The following PRDM1 variants were observed in gnomAD, a reference collection of about 807,000 sequenced individuals.
PRDM1 encodes PR domain zinc finger protein 1.
In PRDM1, 13 loss-of-function variants were observed where a neutral mutation model predicts 62.8. The ratio of observed to expected loss-of-function variants is 0.21; its 90% CI spans 0.13 to 0.33. PRDM1 has a LOEUF of 0.33. Ranked by LOEUF, PRDM1 falls within the 10% of genes least tolerant of loss-of-function variation. PRDM1 has a pLI of 1.00. For synonymous variants in PRDM1, 396 were observed against 417.6 expected (o/e 0.95, Z 0.63); for missense variants, 895 against 1,058.8 (o/e 0.85, Z 2.15).
At chr6:106,002,224 TG>T (rs1772434979) in intron 1 of PRDM1, among the ~76,000 whole-genome samples, 1 of 152,186 alleles carries the variant, frequency 6.6e-6, no homozygotes, top group African/African-American at 2.4e-5. Flanking sequence ...GGTAGAACAA[TG>T]GGTGTTACTT....
In PRDM1 at chr6:106,105,012, A is replaced by C. The variant is rs1455229257; in HGVS notation, c.852A>C (p.Arg284Ser). 1 of 1,614,168 alleles carries C rather than the reference A, an allele frequency of 6.2e-7. No individual in the cohort carries two copies. The highest frequency in any genetic ancestry group is 2.2e-5 in the East Asian group (1 of 44,874). The change falls in exon 5 of 7, where the codon AGA becomes AGC. Residue 284 changes from arginine (R) to serine (S), a missense_variant. By Grantham distance (110) the Arg-to-Ser change is moderately radical. Coordinates refer to ENST00000369096, the MANE Select transcript of PRDM1 (RefSeq NM_001198.4). ...CAGAAAAGGACCTCGATGACTTTAG[A>C]AGACGTGGGAGCCCCGAAATGCCCT... The part of the protein sequence containing the change: ...LTSEKDLDDF[R>S]RRGSPEMPFY...
Position 106,028,938 on chromosome 6 carries a change from T to C in PRDM1, c.-67+35299T>C, listed in dbSNP as rs1463783575. Among the ~76,000 whole-genome samples the C allele has an allele frequency of 1.6e-3, 246 of 149,770 alleles. 1 individual carries two copies. Among genetic ancestry groups the C allele is most frequent in the African/African-American group, 5.9e-3 (239 of 40,748 alleles). On this transcript the variant is annotated intron_variant, in intron 1 of 6. Transcript: ENST00000652320. ...TCCTTCTTTTTTTTTTTTTTTTTTT[T>C]TGAGACCGAGTCTTGCTCTGCTGCC...
At chr6:106,015,847 AG>A (rs1377260333) in intron 1 of PRDM1, among the ~76,000 whole-genome samples, 1 of 152,050 alleles carries the variant, frequency 6.6e-6, no homozygotes, top group Non-Finnish European at 1.5e-5. Context: ...ACATGACAAA[AG>A]TTACCATTTT....
chr6:106,068,278 G>A (rs867326139), intron 1 of PRDM1, among the ~76,000 whole-genome samples: 1 of 152,200 alleles, frequency 6.6e-6, no homozygotes. Context: ...TTTTAGTAGA[G>A]ACAGGGTTTC....
intron 1 of PRDM1, among the ~76,000 whole-genome samples, chr6:106,011,359 T>C (rs1455516940): frequency 1.3e-5 from 2 of 152,156 alleles, no homozygotes; most frequent in Non-Finnish European, 2.9e-5. Context: ...TGTAAACTTA[T>C]TATAAAAAGG....
intron 3 of PRDM1, 48 bp from the exon 4 acceptor site, chr6:106,099,252 G>A (rs2114637777): frequency 1.9e-6 from 3 of 1,611,892 alleles, no homozygotes; most frequent in Non-Finnish European, 1.7e-6. Flanking sequence ...GTGCTGGGGA[G>A]CTTTGGGTCT....
intron 1 of PRDM1, chr6:106,072,318 A>AAT (rs578132493): frequency 6.6e-6 from 1 of 152,232 alleles, no homozygotes; most frequent in Non-Finnish European, 1.5e-5. Context: ...TTTGGGGTGT[A>AAT]ATATGTAGGT....
intron 1 of PRDM1, among the ~76,000 whole-genome samples, chr6:106,070,520 A>G (rs895218579): frequency 1.8e-4 from 28 of 152,230 alleles, no homozygotes; most frequent in African/African-American, 6.5e-4. Context: ...TGTAACTAAT[A>G]TGCTTATATA....
At chr6:106,035,643 A>T (rs4349854) in intron 1 of PRDM1, among the ~76,000 whole-genome samples, 88,682 of 151,388 alleles carry the variant, frequency 0.59, 26,484 homozygotes, top group East Asian at 0.81. Context: ...AAAAAAATTT[A>T]AAAAAAAAGA....
rs777152627 is a variant in PRDM1 at position 106,107,377 on chromosome 6, G to A, written c.2369G>A (p.Ser790Asn). 4.3e-6 allele frequency: 7 copies of A among 1,613,998 alleles called. No individual in the cohort carries two copies. In the African/African-American group the frequency reaches 5.3e-5, roughly 12 times the overall value. ...MGNGLLSSGCSLYESSDLPLM... is the reference protein window; with the variant it reads ...MGNGLLSSGCNLYESSDLPLM... ...AATGGACTCCTCTCCTCAGGGTGCA[G>A]CCTTTATGAGTCATCAGATCTACCC... The change falls in exon 7 of 7, where the codon AGC becomes AAC. Residue 790 changes from serine (S) to asparagine (N), a missense_variant. Physicochemically the swap from Ser to Asn is conservative, Grantham distance 46. This residue lies in a region of PRDM1 where 164 missense variants were observed against 179.9 expected (regional missense o/e 0.91). Coordinates refer to ENST00000369096, the MANE Select transcript of PRDM1 (RefSeq NM_001198.4).
intron 1 of PRDM1, among the ~76,000 whole-genome samples, chr6:106,043,453 G>C (rs1009344140): frequency 1.3e-5 from 2 of 152,060 alleles, no homozygotes; most frequent in African/African-American, 2.4e-5. Context: ...ATGAATAAGA[G>C]CTATCATGTT....
At chr6:106,053,217 C>T (rs1290206097) in intron 1 of PRDM1, among the ~76,000 whole-genome samples, 1 of 152,068 alleles carries the variant, frequency 6.6e-6, no homozygotes, top group Non-Finnish European at 1.5e-5. Context: ...TATGGTGACC[C>T]TCTTCTTCTC....
chr6:106,061,518 C>T (rs778022568), intron 1 of PRDM1, among the ~76,000 whole-genome samples: 104 of 152,204 alleles, frequency 6.8e-4, no homozygotes, highest in Non-Finnish European at 1.2e-3. Flanking sequence ...ATGATAATCA[C>T]GTCCCATAGC....
Position 106,105,087 on chromosome 6 carries a change from T to C in PRDM1, c.927T>C (p.Phe309=). 1 of 1,614,080 alleles carries C rather than the reference T, an allele frequency of 6.2e-7. No individual in the cohort carries two copies. Among genetic ancestry groups the C allele is most frequent in the Non-Finnish European group, 8.5e-7 (1 of 1,180,010 alleles). The change falls in exon 5 of 7, where the codon TTT becomes TTC. Residue 309 remains phenylalanine, a synonymous_variant. Coordinates refer to ENST00000369096, the MANE Select transcript of PRDM1 (RefSeq NM_001198.4). ...YPIRAPLPED[F]LKASLAYGIE... ...TCCGGGCCCCTCTGCCAGAAGACTT[T>C]TTGAAAGCTTCCCTGGCCTACGGGA...
chr6:106,057,364 T>G (rs1315603616), intron 1 of PRDM1, among the ~76,000 whole-genome samples: 1 of 152,198 alleles, frequency 6.6e-6, no homozygotes, highest in Non-Finnish European at 1.5e-5. Context: ...TATATAGAAA[T>G]GTGAAAAGAA....
At position 106,105,310 on chromosome 6, in the gene PRDM1, G is replaced by A. The variant is rs1361893897; in HGVS notation, c.1150G>A (p.Glu384Lys). 2 of 1,613,262 alleles carry A rather than the reference G, an allele frequency of 1.2e-6. No homozygotes were observed. Among genetic ancestry groups the A allele is most frequent in the Non-Finnish European group, 1.7e-6 (2 of 1,179,482 alleles). The change falls in exon 5 of 7, where the codon GAA becomes AAA. Residue 384 changes from glutamate to lysine, a missense_variant. Physicochemically the swap from Glu to Lys is moderately conservative, Grantham distance 56 (BLOSUM62 1). Coordinates refer to ENST00000369096, the MANE Select transcript of PRDM1 (RefSeq NM_001198.4). ...YAYLNASYGT[E>K]GLGSYPGYAP... ...TTACTTGAACGCGTCCTACGGCACG[G>A]AAGGTTTGGGCTCCTACCCTGGCTA...
chr6:105,995,780 G>A (rs745783279), intron 1 of PRDM1, among the ~76,000 whole-genome samples: 2 of 151,928 alleles, frequency 1.3e-5, no homozygotes, highest in African/African-American at 2.4e-5. Flanking sequence ...GCACAATGAA[G>A]TTTCTAACAG....
rs6939402 is a variant in PRDM1, at chr6:106,032,703, A to T, written c.-67+39064A>T. Among the ~76,000 whole-genome samples the T allele has an allele frequency of 8.1e-3, 1,230 of 151,600 alleles. 16 individuals are homozygous for T. Among genetic ancestry groups the T allele is most frequent in the African/African-American group, 0.029 (1,193 of 41,362 alleles). ...TGATCCACCTGCCTCAGCTTCCCAA[A>T]GTGCTGGGATTACAGGTGTGAGCCA... On this transcript the variant is annotated intron_variant, in intron 1 of 6. Transcript: ENST00000652320.
At chr6:106,039,529 A>G (rs552419950) in intron 1 of PRDM1, among the ~76,000 whole-genome samples, 1 of 152,178 alleles carries the variant, frequency 6.6e-6, no homozygotes, top group Admixed American at 6.5e-5. Context: ...CATTGTGCCA[A>G]TTTATCAAAA....
Sources: gnomAD v4.1 joint callset for allele counts (sites outside exome capture counted in the v4.1 genomes callset) on GRCh38, gnomAD v4.1.1 for gene constraint, gnomAD v4.1.1 regional missense constraint, MANE v1.5 for transcripts, NCBI Gene and HGNC (gene_info 2026-07-23, HGNC 2026-07-21) for gene names.